SMC1A: variants seen among roughly 807,000 people sequenced by gnomAD.
The protein encoded by SMC1A is structural maintenance of chromosomes 1A.
SMC1A carries 4 observed loss-of-function variants against 94.5 expected under a neutral mutation model. The ratio of observed to expected loss-of-function variants is 0.04; its 90% CI spans 0.02 to 0.10. The LOEUF (loss-of-function observed/expected upper bound fraction) is 0.10. SMC1A is among the 10% of genes least tolerant of loss of function. The pLI, the probability that SMC1A is intolerant of heterozygous loss-of-function variation, is 1.00. For missense variants in SMC1A, 304 were observed against 989.0 expected (o/e 0.31, Z 9.29); for synonymous variants, 345 against 347.7 (o/e 0.99, Z 0.09).
Position 53,405,017 on chromosome X carries a change from G to A in SMC1A, c.2191C>T (p.Leu731=), listed in dbSNP as rs782301753. ...GGCTGAAGGCCAGGCCCCACCTGCA[G>A]ATTCAGGGCTAGATGTCGTGTCTTG... ...QTKTRHLALN[L]QEKSKLESEL... The change falls in exon 13 of 25, where the codon CTG becomes TTG. Residue 731 remains leucine, a synonymous_variant. Transcript: ENST00000322213. The A allele has an allele frequency of 1.7e-6, 2 of 1,199,350 alleles. No individual in the cohort carries two copies. The highest frequency in any genetic ancestry group is 2.2e-6 in the Non-Finnish European group (2 of 889,718).
At chrX:53,403,276 C>T (rs903417257) in intron 15 of SMC1A, among the ~76,000 whole-genome samples, 2 of 108,137 alleles carry the variant, frequency 1.8e-5, no homozygotes, top group Non-Finnish European at 3.8e-5. Context: ...TATCATTATA[C>T]CATTTTGCAG....
In SMC1A at chrX:53,377,484, T is replaced by C. The variant is rs898733912; in HGVS notation, c.*2619A>G. ...CTGCTTCTCATTATAAGCCCTTCTGTACTATTTTATTTTTTTACCTGTGTA... is the reference window on the plus strand; with the variant it reads ...CTGCTTCTCATTATAAGCCCTTCTGCACTATTTTATTTTTTTACCTGTGTA... On this transcript the variant is annotated 3_prime_UTR_variant, in exon 25 of 25. Coordinates refer to ENST00000322213, the MANE Select transcript of SMC1A (RefSeq NM_006306.4). 2.7e-5 allele frequency: 3 copies of C among 112,185 alleles called. No individual in the cohort carries two copies. The highest frequency in any genetic ancestry group is 5.6e-5 in the Non-Finnish European group (3 of 53,181). 9.2% of individuals were successfully genotyped at this position (112,185 alleles called of 1,213,427 possible).
At chrX:53,409,349 T>C (rs1413920274) in intron 8 of SMC1A, 72 bp downstream of exon 8, 40 of 1,153,109 alleles carry the variant, frequency 3.5e-5, no homozygotes, top group Non-Finnish European at 4.7e-5. Context: ...GGGTCCTGCA[T>C]GAAGAGGGGC....
chrX:53,409,617 C>T (rs1469850600), intron 7 of SMC1A, 114 bp from the exon 8 acceptor site: 4 of 587,838 alleles, frequency 6.8e-6, no homozygotes, highest in Non-Finnish European at 1.2e-5. Context: ...CAGTCCAGGA[C>T]AATCTGTCAC....
At chrX:53,391,003 A>AG (rs2075627045) in intron 19 of SMC1A, among the ~76,000 whole-genome samples, 1 of 96,819 alleles carries the variant, frequency 1.0e-5, no homozygotes, top group Non-Finnish European at 2.1e-5. Flanking sequence ...AAAAAGAAAA[A>AG]GAAAAAAAAA....
chrX:53,416,718 T>A (rs1219068493), intron 1 of SMC1A, among the ~76,000 whole-genome samples: 1 of 109,799 alleles, frequency 9.1e-6, no homozygotes, highest in Admixed American at 9.8e-5. Flanking sequence ...GGGCATAGAT[T>A]TTCATTTTTG....
At chrX:53,409,396 G>A (rs781842973) in intron 8 of SMC1A, 25 bp downstream of exon 8, 1 of 1,179,929 alleles carries the variant, frequency 8.5e-7, no homozygotes, top group Non-Finnish European at 1.2e-6. Context: ...CTGGAAGTAA[G>A]GGGGACAGAT....
intron 1 of SMC1A, among the ~76,000 whole-genome samples, chrX:53,420,537 GAAAAGA>G (rs1410334026): frequency 5.7e-5 from 6 of 105,536 alleles, no homozygotes; most frequent in Admixed American, 2.0e-4. Flanking sequence ...AAAAAAAAAA[GAAAAGA>G]AAAAGAAAAA....
At chrX:53,410,474 T>C (rs2075706911) in intron 7 of SMC1A, among the ~76,000 whole-genome samples, 1 of 109,915 alleles carries the variant, frequency 9.1e-6, no homozygotes, top group Non-Finnish European at 1.9e-5. Context: ...CCACCTGTCA[T>C]CCCACCTACA....
intron 15 of SMC1A, among the ~76,000 whole-genome samples, chrX:53,403,244 C>A (rs1556889188): frequency 9.3e-6 from 1 of 107,186 alleles, no homozygotes; most frequent in South Asian, 4.2e-4. Context: ...ACCTAATCCT[C>A]CCAACAATGC....
Position 53,404,839 on chromosome X carries a change from C to T in SMC1A, c.2196+173G>A. On this transcript the variant is annotated intron_variant, in intron 13 of 24. Coordinates refer to ENST00000322213, the MANE Select transcript of SMC1A (RefSeq NM_006306.4). ...GAAAATACTTGCCTAATGTCAAACT[C>T]AAGGCAGAGCCAAGCTCTGAACCCC... 5 of 521,332 alleles carry T rather than the reference C, an allele frequency of 9.6e-6. No homozygotes were observed. In the South Asian group the frequency reaches 1.1e-4, roughly 11 times the overall value. 43.0% of individuals were successfully genotyped at this position (521,332 alleles called of 1,213,427 possible).
At chrX:53,391,066 C>A (rs1054611704) in intron 19 of SMC1A, among the ~76,000 whole-genome samples, 16 of 101,660 alleles carry the variant, frequency 1.6e-4, no homozygotes, top group Non-Finnish European at 3.0e-4. Context: ...GTAATCCTAG[C>A]ACTTTAGGAG....
chrX:53,417,175 T>C (rs782398072), intron 1 of SMC1A, among the ~76,000 whole-genome samples: 2 of 112,108 alleles, frequency 1.8e-5, no homozygotes, highest in Non-Finnish European at 3.8e-5. Context: ...AAGGTTTTCA[T>C]GAGGAAATCT....
At chrX:53,385,509 C>T (rs2075601431) in intron 19 of SMC1A, among the ~76,000 whole-genome samples, 3 of 109,025 alleles carry the variant, frequency 2.8e-5, no homozygotes, top group South Asian at 4.0e-4. Context: ...CTCCTGACCT[C>T]GTGATCCGCC....
At position 53,400,173 on chromosome X, in the gene SMC1A, A is replaced by G. The variant is rs2075665982; in HGVS notation, c.2421-443T>C. ...TATTATCCTAATTTTACAAATGAGGAAAACTTAGGCCAAGAGGTAAAAGAC... is the reference window on the plus strand; with the variant it reads ...TATTATCCTAATTTTACAAATGAGGGAAACTTAGGCCAAGAGGTAAAAGAC... On this transcript the variant is annotated intron_variant, in intron 15 of 24. Transcript: ENST00000322213. Among the ~76,000 whole-genome samples the G allele has an allele frequency of 3.6e-5, 4 of 112,069 alleles. No homozygotes were observed. In the South Asian group the frequency reaches 1.5e-3, roughly 42 times the overall value.
intron 1 of SMC1A, among the ~76,000 whole-genome samples, chrX:53,421,216 G>A (rs782478151): frequency 1.4e-4 from 16 of 111,914 alleles, no homozygotes; most frequent in Middle Eastern, 4.2e-3. Flanking sequence ...GGGGTTGGGG[G>A]AATCACACAC....
intron 19 of SMC1A, among the ~76,000 whole-genome samples, chrX:53,393,053 A>G (rs1455061832): frequency 5.3e-5 from 6 of 112,187 alleles, no homozygotes; most frequent in African/African-American, 1.6e-4. Flanking sequence ...GTCAATGTTA[A>G]CATTACAAAG....
chrX:53,383,069 T>C (rs931979588), intron 20 of SMC1A, 28 bp downstream of exon 20: 5 of 1,198,195 alleles, frequency 4.2e-6, no homozygotes, highest in Non-Finnish European at 5.7e-6. Context: ...GTCCTCATCG[T>C]AGGCCCAAGT....
Position 53,412,957 on chromosome X carries a change from T to C in SMC1A, c.797A>G (p.Lys266Arg). The change falls in exon 5 of 25, where the codon AAG becomes AGG. Residue 266 changes from lysine to arginine, a missense_variant. Physicochemically the swap from Lys to Arg is conservative, Grantham distance 26. Transcript: ENST00000322213. ...MDKVEDELKE[K>R]KKELGKMMRE... is the part of the protein sequence containing the mutation. Reference sequence around the variant, plus strand: ...CATCATTTTGCCCAGCTCCTTCTTCTTCTCCTTCAGTTCATCCTCCACCTT... The same window carrying C: ...CATCATTTTGCCCAGCTCCTTCTTCCTCTCCTTCAGTTCATCCTCCACCTT... 1 of 1,195,323 alleles carries C rather than the reference T, an allele frequency of 8.4e-7. No individual in the cohort carries two copies. Among genetic ancestry groups the C allele is most frequent in the Non-Finnish European group, 1.1e-6 (1 of 880,946 alleles).
Sources: gnomAD v4.1 joint callset for allele counts (sites outside exome capture counted in the v4.1 genomes callset) on GRCh38, gnomAD v4.1.1 for gene constraint, MANE v1.5 for transcripts, NCBI Gene and HGNC (gene_info 2026-07-23, HGNC 2026-07-21) for gene names.